Variants in SCLT1 observed in about 807,000 individuals in gnomAD.
SCLT1 encodes the protein sodium channel and clathrin linker 1, also known as sodium channel-associated protein 1.
Under a neutral mutation model 112.8 loss-of-function variants are expected in SCLT1, and 78 were observed. That is an observed-to-expected ratio of 0.69 (90% CI 0.58 to 0.83). The LOEUF is 0.83. Among genes scored for constraint, SCLT1 ranks in the 40% least tolerant of loss-of-function variants. SCLT1 has a pLI of 0.00. For missense variants in SCLT1, 747 were observed against 770.4 expected (o/e 0.97, Z 0.36); for synonymous variants, 257 against 254.7 (o/e 1.01, Z -0.09).
At chr4:128,881,107 C>G (rs1211894115), downstream of SCLT1, among the ~76,000 whole-genome samples, 2 of 151,988 alleles carry the variant, frequency 1.3e-5, no homozygotes, top group Non-Finnish European at 2.9e-5. Context: ...ACATTGTCCC[C>G]AAAGCCATAT....
intron 2 of SCLT1, among the ~76,000 whole-genome samples, chr4:129,048,351 C>A (rs1162199946): frequency 1.3e-5 from 2 of 151,570 alleles, no homozygotes; most frequent in South Asian, 2.1e-4. Flanking sequence ...TGATCTTTGA[C>A]AAACCTGAGA....
At chr4:129,029,702 C>T (rs554770827) in intron 5 of SCLT1, among the ~76,000 whole-genome samples, 1 of 151,224 alleles carries the variant, frequency 6.6e-6, no homozygotes, top group Non-Finnish European at 1.5e-5. Flanking sequence ...CAAAAAAAAC[C>T]CCAAAAAGAC....
chr4:128,880,331 C>T (rs911796706), downstream of SCLT1, among the ~76,000 whole-genome samples: 3 of 151,768 alleles, frequency 2.0e-5, no homozygotes, highest in Non-Finnish European at 4.4e-5. Context: ...TTCAATGGTT[C>T]GAATGAAAAT....
intron 20 of SCLT1, among the ~76,000 whole-genome samples, chr4:128,885,254 G>A (rs928477183): frequency 6.6e-6 from 1 of 152,076 alleles, no homozygotes; most frequent in Non-Finnish European, 1.5e-5. Context: ...AGTAAAAAAA[G>A]ATCTAACAGT....
At chr4:128,896,703 G>C (rs1733790815) in intron 18 of SCLT1, among the ~76,000 whole-genome samples, 2 of 152,148 alleles carry the variant, frequency 1.3e-5, no homozygotes, top group South Asian at 4.1e-4. Context: ...AGAGAAGAAG[G>C]CTTCAGACGA....
intron 5 of SCLT1, among the ~76,000 whole-genome samples, chr4:129,014,413 A>G (rs1277281088): frequency 6.6e-6 from 1 of 152,182 alleles, no homozygotes; most frequent in Non-Finnish European, 1.5e-5. Flanking sequence ...GGATTCTTGC[A>G]CTGATTCTTT....
At chr4:128,940,559 T>C (rs1294991193) in intron 17 of SCLT1, among the ~76,000 whole-genome samples, 1 of 152,030 alleles carries the variant, frequency 6.6e-6, no homozygotes, top group East Asian at 1.9e-4. Context: ...TTTGGAAATA[T>C]AGTTTTTAAT....
At chr4:128,964,844 T>C (rs1377445605) in intron 11 of SCLT1, among the ~76,000 whole-genome samples, 1 of 152,174 alleles carries the variant, frequency 6.6e-6, no homozygotes, top group Non-Finnish European at 1.5e-5. Flanking sequence ...CAGGATGACC[T>C]GAGGAGAAAT....
chr4:128,888,614 T>C (rs747482784), intron 20 of SCLT1, 65 bp downstream of exon 20: 3 of 850,712 alleles, frequency 3.5e-6, no homozygotes, highest in Non-Finnish European at 5.7e-6. Flanking sequence ...TTAAGTTCCC[T>C]GGGAACTTCT....
Position 129,003,845 on chromosome 4 carries a change from TTTC to T in SCLT1, c.319_321del (p.Glu107del). 1.2e-6 allele frequency: 2 copies of T among 1,612,718 alleles called. No homozygotes were observed. Among genetic ancestry groups the T allele is most frequent in the Non-Finnish European group, 8.5e-7 (1 of 1,179,256 alleles). On this transcript the variant is annotated inframe_deletion, in exon 6 of 21. Transcript: ENST00000281142. ...CCCAGGGGAAAGGCCTCCAATTTTT[TTTC>T]AACAGCATCTTTTAATTCACTGTGC...
chr4:128,916,487 T>C (rs958467994), intron 18 of SCLT1, among the ~76,000 whole-genome samples: 10 of 152,198 alleles, frequency 6.6e-5, no homozygotes, highest in African/African-American at 1.9e-4. Flanking sequence ...TGGCAGAAGC[T>C]TTCTCTGAGT....
chr4:128,945,256 C>A (rs537632127), intron 16 of SCLT1, among the ~76,000 whole-genome samples: 10 of 152,176 alleles, frequency 6.6e-5, no homozygotes, highest in African/African-American at 2.2e-4. Flanking sequence ...AGAGAAACCC[C>A]GTGAATGTAT....
intron 19 of SCLT1, among the ~76,000 whole-genome samples, chr4:128,889,880 C>T (rs1379393565): frequency 6.6e-6 from 1 of 152,096 alleles, no homozygotes; most frequent in African/African-American, 2.4e-5. Flanking sequence ...CTTATAGTTC[C>T]CATGTCCTAA....
intron 14 of SCLT1, among the ~76,000 whole-genome samples, chr4:128,950,117 T>C (rs1297672644): frequency 6.6e-6 from 1 of 152,178 alleles, no homozygotes. Flanking sequence ...GCAACATTAA[T>C]ATTCCACATA....
chr4:128,967,638 C>T lies in SCLT1; in HGVS notation c.778-2320G>A, dbSNP rs565295625. On this transcript the variant is annotated intron_variant, in intron 10 of 20. Transcript: ENST00000281142. ...AGCATTTTTTCATTTGCTTGTTGGCCACATGTATATCTTCTTTTGAAAAGT... is the reference window on the plus strand; with the variant it reads ...AGCATTTTTTCATTTGCTTGTTGGCTACATGTATATCTTCTTTTGAAAAGT... Among the ~76,000 whole-genome samples the T allele has an allele frequency of 2.6e-5, 4 of 152,196 alleles. No individual in the cohort carries two copies. In the East Asian group the frequency reaches 7.7e-4, roughly 29 times the overall value.
At chr4:129,023,238 C>T (rs1007897748) in intron 5 of SCLT1, among the ~76,000 whole-genome samples, 1 of 152,140 alleles carries the variant, frequency 6.6e-6, no homozygotes, top group African/African-American at 2.4e-5. Context: ...ACTGCCTTAA[C>T]TAATGTGCAA....
chr4:128,908,380 T>A (rs1368025647), intron 18 of SCLT1, among the ~76,000 whole-genome samples: 32 of 137,684 alleles, frequency 2.3e-4, no homozygotes, highest in African/African-American at 2.7e-4. Flanking sequence ...TCCTGTTAAT[T>A]AAAAAAAAAA....
At position 128,997,874 on chromosome 4, in the gene SCLT1, C is replaced by A; in HGVS notation, c.615G>T (p.Val205=). 1 of 1,389,088 alleles carries A rather than the reference C, an allele frequency of 7.2e-7. No homozygotes were observed. The highest frequency in any genetic ancestry group is 1.5e-5 in the South Asian group (1 of 68,124). The allele number at this position is 1,389,088 out of a possible 1,614,324, so 86.0% of individuals were successfully genotyped here. ...AGTTTATATAAATAAGTATACTTAC[C>A]ACTTCCATGTTCTCATTAGTAACAT... ...QLHVTNENME[V]TNQQFLKTVT... Residue 205 remains valine (V), a splice_region_variant and synonymous_variant, in exon 8 of 21, where the codon GTG becomes GTT. Transcript: ENST00000281142.
At chr4:128,972,888 G>C (rs1740811641) in intron 9 of SCLT1, among the ~76,000 whole-genome samples, 1 of 151,682 alleles carries the variant, frequency 6.6e-6, no homozygotes. Context: ...ACACTTTTTG[G>C]CATAAAGTCT....
Sources: gnomAD v4.1 joint callset for allele counts (sites outside exome capture counted in the v4.1 genomes callset) on GRCh38, gnomAD v4.1.1 for gene constraint, MANE v1.5 for transcripts, NCBI Gene and HGNC (gene_info 2026-07-23, HGNC 2026-07-21) for gene names.